OR52N4: variants seen among roughly 807,000 people sequenced by gnomAD.
OR52N4 encodes the protein olfactory receptor 52N4.
Under a neutral mutation model 15.0 loss-of-function variants are expected in OR52N4, and 15 were observed. The ratio of observed to expected loss-of-function variants is 1.00; its 90% CI spans 0.67 to 1.54. OR52N4 has a LOEUF of 1.54. OR52N4 is among the 40% of genes most tolerant of loss of function. The pLI is 0.00. For synonymous variants in OR52N4, 143 were observed against 143.7 expected (o/e 1.00, Z 0.03); for missense variants, 421 against 394.0 (o/e 1.07, Z -0.58).
the OR52N4 span, chr11:5,727,387 AAGACCAAACAG>A: frequency 1.3e-5 from 2 of 152,370 alleles, no homozygotes; most frequent in African/African-American, 2.4e-5. Context: ...ATATGGAGTT[AAGACCAAACAG>A]ATCCGTAAAA....
At chr11:5,732,608 T>C in the OR52N4 span, among the ~76,000 whole-genome samples, 1 of 152,156 alleles carries the variant, frequency 6.6e-6, no homozygotes. Flanking sequence ...TTCTCAACAT[T>C]TACCTAGACA....
the OR52N4 span, among the ~76,000 whole-genome samples, chr11:5,729,114 A>ATATTCTTTTTTTTT: frequency 4.8e-5 from 4 of 82,916 alleles, no homozygotes; most frequent in African/African-American, 1.4e-4. Flanking sequence ...TTAAATTGAG[A>ATATTCTTTTTTTTT]TTTTTTTTTT....
chr11:5,732,261 C>T, the OR52N4 span, among the ~76,000 whole-genome samples: 2 of 152,142 alleles, frequency 1.3e-5, no homozygotes, highest in Non-Finnish European at 2.9e-5. Flanking sequence ...TTACTCTAAA[C>T]CCCAACTTCC....
At chr11:5,750,811 C>T (rs1312091721), upstream of OR52N4, among the ~76,000 whole-genome samples, 1 of 151,790 alleles carries the variant, frequency 6.6e-6, no homozygotes, top group Non-Finnish European at 1.5e-5. Flanking sequence ...TATGCTTTTA[C>T]AAAATAATAA....
At chr11:5,743,082 G>A in the OR52N4 span, among the ~76,000 whole-genome samples, 3 of 152,198 alleles carry the variant, frequency 2.0e-5, no homozygotes, top group Admixed American at 2.0e-4. Flanking sequence ...TAGCAAGCAG[G>A]AGTAGTTAGC....
intron 1 of OR52N4, 107 bp downstream of exon 1, chr11:5,754,412 C>T (rs1244470933): frequency 1.7e-5 from 4 of 230,108 alleles, no homozygotes; most frequent in Admixed American, 5.1e-5. Flanking sequence ...CAGAATTATA[C>T]TTGATTATAA....
chr11:5,745,041 T>C, the OR52N4 span, among the ~76,000 whole-genome samples: 1 of 148,894 alleles, frequency 6.7e-6, no homozygotes, highest in Non-Finnish European at 1.5e-5. Flanking sequence ...TGAGGGAACA[T>C]ACTTAAAAAA....
At chr11:5,742,717 C>CT in the OR52N4 span, among the ~76,000 whole-genome samples, 3 of 152,156 alleles carry the variant, frequency 2.0e-5, no homozygotes, top group African/African-American at 7.2e-5. Flanking sequence ...TCTACTGGCC[C>CT]TACAAGAAGT....
chr11:5,737,489 T>G, the OR52N4 span: 7 of 1,605,876 alleles, frequency 4.4e-6, no homozygotes, highest in Non-Finnish European at 6.0e-6. Context: ...AATAAGATCT[T>G]AGAGACCTTC....
chr11:5,727,929 A>T, the OR52N4 span, among the ~76,000 whole-genome samples: 1 of 152,238 alleles, frequency 6.6e-6, no homozygotes, highest in East Asian at 1.9e-4. Flanking sequence ...GCTTTTCCAT[A>T]AACCCTGTAT....
chr11:5,750,110 A>G (rs1854159223), upstream of OR52N4, among the ~76,000 whole-genome samples: 1 of 151,954 alleles, frequency 6.6e-6, no homozygotes, highest in African/African-American at 2.4e-5. Context: ...AATACTAATA[A>G]AATATTTATC....
chr11:5,738,101 C>T, the OR52N4 span: 4,571 of 152,926 alleles, frequency 0.03, 71 homozygotes, highest in African/African-American at 0.045. Context: ...TTTGCCTCCC[C>T]AGATTTGCTG....
the OR52N4 span, among the ~76,000 whole-genome samples, chr11:5,747,595 A>G: frequency 6.6e-6 from 1 of 151,904 alleles, no homozygotes; most frequent in African/African-American, 2.4e-5. Context: ...ACAACAATTA[A>G]AAAAGGAACA....
chr11:5,730,677 C>G, the OR52N4 span, among the ~76,000 whole-genome samples: 2 of 150,914 alleles, frequency 1.3e-5, no homozygotes, highest in Non-Finnish European at 2.9e-5. Context: ...GTTGGTGTTT[C>G]TCAGAGATCC....
chr11:5,731,674 C>T, the OR52N4 span, among the ~76,000 whole-genome samples: 37 of 152,242 alleles, frequency 2.4e-4, no homozygotes, highest in Admixed American at 3.9e-4. Flanking sequence ...TTGACAGGTA[C>T]CATTCTTCCA....
At chr11:5,738,547 T>TC in the OR52N4 span, 2 of 152,200 alleles carry the variant, frequency 1.3e-5, no homozygotes, top group African/African-American at 4.8e-5. Flanking sequence ...CTTTTTTTTT[T>TC]CCCTTTCTGA....
At chr11:5,730,923 T>C in the OR52N4 span, among the ~76,000 whole-genome samples, 1 of 151,996 alleles carries the variant, frequency 6.6e-6, no homozygotes, top group South Asian at 2.1e-4. Context: ...CCACTGTCAT[T>C]ATTTCTTGCT....
the OR52N4 span, among the ~76,000 whole-genome samples, chr11:5,743,198 A>G: frequency 6.6e-6 from 1 of 152,156 alleles, no homozygotes; most frequent in Non-Finnish European, 1.5e-5. Flanking sequence ...AATTCTGAAC[A>G]TATATGCATC....
At chr11:5,729,490 T>C in the OR52N4 span, among the ~76,000 whole-genome samples, 4 of 152,188 alleles carry the variant, frequency 2.6e-5, no homozygotes, top group East Asian at 1.9e-4. Flanking sequence ...AAAATTACTT[T>C]TGTGTTCTCC....
Sources: allele counts gnomAD v4.1 joint callset (sites outside exome capture counted in the v4.1 genomes callset), GRCh38; gene constraint gnomAD v4.1.1; transcripts MANE v1.5; gene names NCBI Gene and HGNC (gene_info 2026-07-23, HGNC 2026-07-21).